CGNL1: variants seen among roughly 807,000 people sequenced by gnomAD.
CGNL1 encodes the protein cingulin-like protein 1.
CGNL1 carries 132 observed loss-of-function variants against 141.2 expected under a neutral mutation model. That is an observed-to-expected ratio of 0.93 (90% CI 0.81 to 1.08). The LOEUF is 1.08. Among genes scored for constraint, CGNL1 ranks in the 50% least tolerant of loss-of-function variants. The probability of loss-of-function intolerance (pLI) is 0.00; values close to 1 mark genes in which losing one functional copy is unlikely to be tolerated. For missense variants in CGNL1, 1,870 were observed against 1,588.6 expected (o/e 1.18, Z -3.01); for synonymous variants, 690 against 622.1 (o/e 1.11, Z -1.63).
chr15:57,386,171 A>C (rs1186683489), intron 1 of CGNL1, among the ~76,000 whole-genome samples: 1 of 152,240 alleles, frequency 6.6e-6, no homozygotes. Flanking sequence ...ATAAATAGCC[A>C]TGCTAAAACC....
At chr15:57,543,224 A>AGAGTGC (rs531829589) in intron 14 of CGNL1, among the ~76,000 whole-genome samples, 57,610 of 151,346 alleles carry the variant, frequency 0.38, 11,371 homozygotes, top group East Asian at 0.51. Flanking sequence ...CTCCATCTCC[A>AGAGTGC]CTTCCCTGTG....
At chr15:57,518,984 G>T (rs1394917219) in intron 10 of CGNL1, among the ~76,000 whole-genome samples, 1 of 152,202 alleles carries the variant, frequency 6.6e-6, no homozygotes, top group Non-Finnish European at 1.5e-5. Context: ...TTCTCCTGTG[G>T]GCAAATGCAC....
intron 8 of CGNL1, among the ~76,000 whole-genome samples, chr15:57,506,337 C>G (rs889356429): frequency 6.6e-5 from 10 of 152,200 alleles, no homozygotes; most frequent in African/African-American, 2.4e-5. Flanking sequence ...CTTTTACATG[C>G]TGGTCACAAG....
intron 11 of CGNL1, among the ~76,000 whole-genome samples, 194 bp from the exon 12 acceptor site, chr15:57,524,387 C>T (rs1256080119): frequency 6.6e-6 from 1 of 152,188 alleles, no homozygotes; most frequent in African/African-American, 2.4e-5. Context: ...AAAGGACGTG[C>T]CTGCTCACTC....
At chr15:57,378,664 T>C (rs1028687717) in intron 1 of CGNL1, among the ~76,000 whole-genome samples, 1 of 152,116 alleles carries the variant, frequency 6.6e-6, no homozygotes. Context: ...ATTACAGGCA[T>C]GAGCCACCGT....
intron 4 of CGNL1, among the ~76,000 whole-genome samples, chr15:57,447,231 A>G (rs1408839501): frequency 6.6e-6 from 1 of 152,182 alleles, no homozygotes; most frequent in African/African-American, 2.4e-5. Flanking sequence ...CACATCTTTC[A>G]TTTAGATGTA....
intron 12 of CGNL1, among the ~76,000 whole-genome samples, chr15:57,525,022 A>G (rs1307855761): frequency 1.3e-5 from 2 of 152,292 alleles, no homozygotes; most frequent in East Asian, 3.9e-4. Context: ...TTTAGCTGCC[A>G]TTTATGGAGC....
chr15:57,451,106 A>G (rs1181959189), intron 4 of CGNL1, among the ~76,000 whole-genome samples: 1 of 152,226 alleles, frequency 6.6e-6, no homozygotes, highest in Non-Finnish European at 1.5e-5. Flanking sequence ...TATAGAATTT[A>G]TTATGGAGAG....
At chr15:57,514,734 A>G (rs976924363) in intron 8 of CGNL1, among the ~76,000 whole-genome samples, 9 of 152,140 alleles carry the variant, frequency 5.9e-5, no homozygotes, top group South Asian at 4.2e-4. Context: ...ATAGTTTTAG[A>G]TCCTACATTT....
chr15:57,497,610 C>T (rs930221333), intron 8 of CGNL1, among the ~76,000 whole-genome samples: 1 of 152,202 alleles, frequency 6.6e-6, no homozygotes, highest in Admixed American at 6.5e-5. Flanking sequence ...TAGCTGCTTA[C>T]CACAGAATGA....
chr15:57,386,223 T>C (rs2062481084), intron 1 of CGNL1, among the ~76,000 whole-genome samples: 1 of 152,214 alleles, frequency 6.6e-6, no homozygotes, highest in South Asian at 2.1e-4. Context: ...ACCCATTCCC[T>C]GCAGAGGACA....
At chr15:57,542,788 T>G (rs371429554) in intron 14 of CGNL1, among the ~76,000 whole-genome samples, 3 of 152,362 alleles carry the variant, frequency 2.0e-5, no homozygotes, top group East Asian at 3.9e-4. Flanking sequence ...TGACTCATCC[T>G]GGTTCACCTG....
At chr15:57,454,761 T>A (rs147115335) in intron 7 of CGNL1, among the ~76,000 whole-genome samples, 10 of 152,328 alleles carry the variant, frequency 6.6e-5, no homozygotes, top group Non-Finnish European at 1.2e-4. Flanking sequence ...TATCAAATGA[T>A]TCCTTAAAAA....
At chr15:57,410,556 G>T (rs1029477781) in intron 1 of CGNL1, among the ~76,000 whole-genome samples, 2 of 152,138 alleles carry the variant, frequency 1.3e-5, no homozygotes, top group Non-Finnish European at 2.9e-5. Context: ...TTTCTAGGCA[G>T]GCATTTTGGC....
Position 57,546,345 on chromosome 15 carries a change from T to C in CGNL1, c.3773+106T>C, listed in dbSNP as rs1252141612. 8 of 1,334,404 alleles carry C rather than the reference T, an allele frequency of 6.0e-6. No homozygotes were observed. The African/African-American group carries it at 7.4e-5, about 12-fold the overall frequency. The allele number at this position is 1,334,404 out of a possible 1,614,324, so 82.7% of individuals were successfully genotyped here. A position where few individuals can be genotyped will look rare whatever the true frequency, so the allele number is the denominator to read the frequency against. Reference sequence around the variant, plus strand: ...CCTGTTGTCTCAAGCCAGCTCCTCATTGTTGCTTTTGGGGTTATCGTATCT... The same window carrying C: ...CCTGTTGTCTCAAGCCAGCTCCTCACTGTTGCTTTTGGGGTTATCGTATCT... On this transcript the variant is annotated intron_variant, in intron 18 of 18. Transcript: ENST00000281282.
rs1306733470 is a variant in CGNL1, at chr15:57,545,697, C to G, written c.3606C>G (p.Asp1202Glu). 1 of 1,610,464 alleles carries G rather than the reference C, an allele frequency of 6.2e-7. No homozygotes were observed. The highest frequency in any genetic ancestry group is 1.1e-5 in the South Asian group (1 of 90,356). Reference protein sequence around the residue: ...DEHLSLTDQKDQLSLRLKAMK... With the variant: ...DEHLSLTDQKEQLSLRLKAMK... ...ACCTGTCATTGACTGATCAGAAGGACCAGGTGGGGAGCCTCTGCGTGCATT... is the reference window on the plus strand; with the variant it reads ...ACCTGTCATTGACTGATCAGAAGGAGCAGGTGGGGAGCCTCTGCGTGCATT... The change falls in exon 17 of 19, where the codon GAC (aspartate) becomes GAG (glutamate). Residue 1202 changes from aspartate (D) to glutamate (E), a missense_variant. Asp to Glu is a conservative substitution (Grantham distance 45, BLOSUM62 2). Coordinates refer to ENST00000281282, the MANE Select transcript of CGNL1 (RefSeq NM_032866.5).
intron 1 of CGNL1, among the ~76,000 whole-genome samples, chr15:57,420,505 C>T (rs1353518657): frequency 2.0e-5 from 3 of 152,210 alleles, no homozygotes; most frequent in Admixed American, 6.5e-5. Context: ...AGCAGACTCC[C>T]ACCACCTGGC....
intron 8 of CGNL1, among the ~76,000 whole-genome samples, chr15:57,490,100 C>G (rs1181383866): frequency 6.6e-6 from 1 of 151,912 alleles, no homozygotes; most frequent in African/African-American, 2.4e-5. Flanking sequence ...ACATGGACAA[C>G]AGTAGTTACT....
chr15:57,411,304 T>G (rs2062784123), intron 1 of CGNL1, among the ~76,000 whole-genome samples: 1 of 152,220 alleles, frequency 6.6e-6, no homozygotes, highest in African/African-American at 2.4e-5. Context: ...CACTTGGACG[T>G]TCTCTTGTAT....
Sources: allele counts gnomAD v4.1 joint callset (sites outside exome capture counted in the v4.1 genomes callset), GRCh38; gene constraint gnomAD v4.1.1; transcripts MANE v1.5; gene names NCBI Gene and HGNC (gene_info 2026-07-23, HGNC 2026-07-21).